Variants in C14orf39 observed in about 807,000 individuals in gnomAD.
C14orf39 encodes protein SIX6OS1.
C14orf39 carries 66 observed loss-of-function variants against 85.6 expected under a neutral mutation model. The observed-to-expected ratio is 0.77, with a 90% CI of 0.63 to 0.95. The LOEUF (loss-of-function observed/expected upper bound fraction) is 0.95. Ranked by LOEUF, C14orf39 falls within the 40% of genes least tolerant of loss-of-function variation. The pLI, the probability that C14orf39 is intolerant of heterozygous loss-of-function variation, is 0.00. For missense variants in C14orf39, 735 were observed against 663.9 expected (o/e 1.11, Z -1.18); for synonymous variants, 242 against 214.0 (o/e 1.13, Z -1.14).
At chr14:60,485,327 G>A (rs1595489286) in intron 1 of C14orf39, among the ~76,000 whole-genome samples, 1 of 152,192 alleles carries the variant, frequency 6.6e-6, no homozygotes, top group Admixed American at 6.5e-5. Flanking sequence ...TTTTGGGGAT[G>A]GGGTGGGAAG....
At chr14:60,473,699 G>A (rs1331028779) in intron 5 of C14orf39, among the ~76,000 whole-genome samples, 1 of 152,174 alleles carries the variant, frequency 6.6e-6, no homozygotes, top group East Asian at 1.9e-4. Flanking sequence ...GGTTGTCAAA[G>A]ATCAGATAGT....
In C14orf39 at chr14:60,511,209, C is replaced by A. The variant is rs745349858; in HGVS notation, c.-144+4186G>T. 3.1e-6 allele frequency: 5 copies of A among 1,613,278 alleles called. No homozygotes were observed. In the East Asian group the frequency reaches 6.7e-5, roughly 22 times the overall value. On this transcript the variant is annotated intron_variant, in intron 1 of 5. Coordinates refer to the C14orf39 transcript ENST00000556799. Reference sequence around the variant, plus strand: ...AGTCTATCCAGCAAGGCGGCCACTTCAGCCATCTCCATCACGTCCAGCGAC... The same window carrying A: ...AGTCTATCCAGCAAGGCGGCCACTTAAGCCATCTCCATCACGTCCAGCGAC...
At position 60,461,484 on chromosome 14, in the gene C14orf39, C is replaced by T. The variant is rs369872049; in HGVS notation, c.1058+24G>A. 121 of 1,570,062 alleles carry T rather than the reference C, an allele frequency of 7.7e-5. No homozygotes were observed. The African/African-American group carries it at 1.6e-3, about 21-fold the overall frequency. ...CTATAAATTATTTCAGAGATTAAAG[C>T]ATTTTCTTATTTTAAAAAGTTACCT... On this transcript the variant is annotated intron_variant, in intron 12 of 17. Coordinates refer to ENST00000321731, the MANE Select transcript of C14orf39 (RefSeq NM_174978.3).
chr14:60,499,057 A>G (rs1893104761), intron 2 of C14orf39, among the ~76,000 whole-genome samples: 1 of 152,166 alleles, frequency 6.6e-6, no homozygotes, highest in South Asian at 2.1e-4. Context: ...TCAGTTTAAC[A>G]CCAGCCTGGC....
chr14:60,471,692 T>G lies in C14orf39; in HGVS notation c.371A>C (p.Gln124Pro). ...YICQYKEVLK[Q>P]YQLKYSETPF... ...TGTTTCTGAGTATTTTAGTTGGTAC[T>G]GCTTCAAAACTTCTTTATACTGACA... The change falls in exon 6 of 18, where the codon CAG becomes CCG. Residue 124 changes from glutamine to proline, a missense_variant. Physicochemically the swap from Gln to Pro is moderately conservative, Grantham distance 76. Coordinates refer to ENST00000321731, the MANE Select transcript of C14orf39 (RefSeq NM_174978.3). The G allele has an allele frequency of 6.3e-7, 1 of 1,591,254 alleles. No homozygotes were observed. Among genetic ancestry groups the G allele is most frequent in the Non-Finnish European group, 8.6e-7 (1 of 1,166,256 alleles).
intron 15 of C14orf39, among the ~76,000 whole-genome samples, chr14:60,455,758 T>C (rs1172738920): frequency 6.6e-6 from 1 of 152,152 alleles, no homozygotes; most frequent in Admixed American, 6.6e-5. Flanking sequence ...TTTCCTCTTC[T>C]GTAAAATAAG....
At chr14:60,465,108 T>TA in intron 11 of C14orf39, among the ~76,000 whole-genome samples, 1 of 152,116 alleles carries the variant, frequency 6.6e-6, no homozygotes, top group Non-Finnish European at 1.5e-5. Context: ...TATCCTTAAA[T>TA]AAAAAATAGA....
At chr14:60,445,889 G>C (rs1890741845) in intron 16 of C14orf39, among the ~76,000 whole-genome samples, 1 of 152,078 alleles carries the variant, frequency 6.6e-6, no homozygotes, top group Admixed American at 6.5e-5. Flanking sequence ...AATCAAATTA[G>C]AACTCAGGAT....
rs149884327 is a variant in C14orf39, at chr14:60,509,521, T to C, written c.-144+5874A>G. On this transcript the variant is annotated intron_variant, in intron 1 of 5. Transcript: ENST00000556799. ...TCCTCTGGTCGCTGCCCGTGGCCCC[T>C]GCGGCCTGCGAGGCCCTCAACAAGA... 1.2e-5 allele frequency: 20 copies of C among 1,606,960 alleles called. No individual in the cohort carries two copies. The African/African-American group carries it at 2.4e-4, about 19-fold the overall frequency.
chr14:60,465,512 A>G (rs1440633978), intron 11 of C14orf39, among the ~76,000 whole-genome samples: 4 of 152,098 alleles, frequency 2.6e-5, no homozygotes, highest in Non-Finnish European at 1.5e-5. Context: ...TACAGTGGAT[A>G]TAAGATGAAC....
intron 5 of C14orf39, among the ~76,000 whole-genome samples, chr14:60,471,987 T>A (rs1187750173): frequency 6.6e-6 from 1 of 152,004 alleles, no homozygotes; most frequent in Non-Finnish European, 1.5e-5. Context: ...CCCACTATTT[T>A]AATGACGCTA....
At chr14:60,449,042 AGGGGGCTG>A (rs948930992) in intron 16 of C14orf39, among the ~76,000 whole-genome samples, 1 of 151,708 alleles carries the variant, frequency 6.6e-6, no homozygotes, top group Non-Finnish European at 1.5e-5. Context: ...GTCAGGGAGT[AGGGGGCTG>A]GGGGAGGGAT....
chr14:60,500,090 C>G lies in C14orf39; in HGVS notation c.-143-660G>C, dbSNP rs185330864. Among the ~76,000 whole-genome samples, 250 of 152,240 alleles carry G rather than the reference C, an allele frequency of 1.6e-3. 2 individuals are homozygous for G. Among genetic ancestry groups the G allele is most frequent in the African/African-American group, 5.2e-3 (214 of 41,536 alleles). ...TTGCCCAGGCTGCAGTGCAATGGCGCGATCTTGGCTCACTACAACCTCTGC... is the reference window on the plus strand; with the variant it reads ...TTGCCCAGGCTGCAGTGCAATGGCGGGATCTTGGCTCACTACAACCTCTGC... On this transcript the variant is annotated intron_variant, in intron 1 of 5. Coordinates refer to the C14orf39 transcript ENST00000556799.
chr14:60,481,394 C>T (rs1892632000), intron 4 of C14orf39, among the ~76,000 whole-genome samples: 1 of 152,120 alleles, frequency 6.6e-6, no homozygotes, highest in South Asian at 2.1e-4. Context: ...CAGTGGCTCA[C>T]ATGTATAATC....
At chr14:60,460,180 A>G (rs1255411068) in intron 13 of C14orf39, among the ~76,000 whole-genome samples, 2 of 151,784 alleles carry the variant, frequency 1.3e-5, no homozygotes, top group Non-Finnish European at 3.0e-5. Context: ...AAATAATTGT[A>G]TTCATTCTTG....
At chr14:60,483,254 T>C (rs1300613839) in intron 4 of C14orf39, among the ~76,000 whole-genome samples, 1 of 152,208 alleles carries the variant, frequency 6.6e-6, no homozygotes, top group African/African-American at 2.4e-5. Flanking sequence ...TTGTTGTTTT[T>C]ATGTATTTGT....
At chr14:60,508,000 A>C (rs1893228731) in intron 1 of C14orf39, among the ~76,000 whole-genome samples, 1 of 152,174 alleles carries the variant, frequency 6.6e-6, no homozygotes, top group African/African-American at 2.4e-5. Context: ...GGAATCAATA[A>C]AAGTTGCCAA....
chr14:60,449,066 T>C (rs1890917040), intron 16 of C14orf39, among the ~76,000 whole-genome samples: 1 of 152,050 alleles, frequency 6.6e-6, no homozygotes. Context: ...GGGATAGCAT[T>C]AGGAGAAATA....
Position 60,492,323 on chromosome 14 carries a change from A to G in C14orf39, c.-9+6973T>C, listed in dbSNP as rs1157978382. 3.9e-5 allele frequency among the ~76,000 whole-genome samples: 6 copies of G among 152,320 alleles called. 1 individual carries two copies. The highest frequency in any genetic ancestry group is 6.8e-3 in the Middle Eastern group (2 of 294). ...TTCATCATTTGCTCAATATTAACAC[A>G]TGTACAAAAGTGAATTTTTTAAAAA... On this transcript the variant is annotated intron_variant, in intron 2 of 5. Transcript: ENST00000556799.
Sources: gnomAD v4.1 joint callset for allele counts (sites outside exome capture counted in the v4.1 genomes callset) on GRCh38, gnomAD v4.1.1 for gene constraint, MANE v1.5 for transcripts, NCBI Gene and HGNC (gene_info 2026-07-23, HGNC 2026-07-21) for gene names.